Variants in CHRM3 observed in about 807,000 individuals in gnomAD.
CHRM3 encodes cholinergic receptor muscarinic 3.
In CHRM3, 11 loss-of-function variants were observed where a neutral mutation model predicts 41.8. The observed-to-expected ratio is 0.26, with a 90% confidence interval of 0.17 to 0.44. The LOEUF is 0.44. Among genes scored for constraint, CHRM3 ranks in the 20% least tolerant of loss-of-function variants. The pLI is 1.00. For missense variants in CHRM3, 571 were observed against 745.4 expected (o/e 0.77, Z 2.72); for synonymous variants, 297 against 301.4 (o/e 0.99, Z 0.15).
intron 5 of CHRM3, among the ~76,000 whole-genome samples, chr1:239,826,535 A>G (rs1363509302): frequency 6.6e-6 from 1 of 152,202 alleles, no homozygotes; most frequent in Admixed American, 6.5e-5. Flanking sequence ...TCAGGAGAGG[A>G]CTGTGGCAAA....
In CHRM3 at chr1:239,620,490, GAGAT is replaced by G. The variant is rs568974870; in HGVS notation, c.-312-11730_-312-11727del. 3.4e-3 allele frequency among the ~76,000 whole-genome samples: 511 copies of G among 152,222 alleles called. 2 individuals carry two copies. The highest frequency in any genetic ancestry group is 5.8e-3 in the Admixed American group (88 of 15,282). On this transcript the variant is annotated intron_variant, in intron 3 of 6. Transcript: ENST00000676153. ...TAGGTATGGGTAGGTAGATAGATAAGAGATAGAGATAGAGAGAAAGAGGGAGAGA... is the reference window on the plus strand; with the variant it reads ...TAGGTATGGGTAGGTAGATAGATAAGAGAGATAGAGAGAAAGAGGGAGAGA...
At chr1:239,753,636 C>T (rs914679092) in intron 5 of CHRM3, among the ~76,000 whole-genome samples, 1 of 152,256 alleles carries the variant, frequency 6.6e-6, no homozygotes, top group Non-Finnish European at 1.5e-5. Flanking sequence ...TACAATTCAA[C>T]ATGAGATTTG....
intron 5 of CHRM3, among the ~76,000 whole-genome samples, chr1:239,802,916 A>G (rs1056481113): frequency 2.0e-5 from 3 of 152,148 alleles, no homozygotes; most frequent in Non-Finnish European, 4.4e-5. Flanking sequence ...TTATTTCTAA[A>G]TCTTAATTTG....
chr1:239,616,158 A>G (rs769509729), intron 3 of CHRM3, among the ~76,000 whole-genome samples: 7 of 152,228 alleles, frequency 4.6e-5, no homozygotes, highest in Non-Finnish European at 7.3e-5. Context: ...AAGTTGAACT[A>G]TACGAAATTG....
intron 5 of CHRM3, among the ~76,000 whole-genome samples, chr1:239,708,936 C>G (rs1163710852): frequency 6.6e-6 from 1 of 151,742 alleles, no homozygotes; most frequent in Admixed American, 6.6e-5. Context: ...TAATTATCAG[C>G]TGCTGAATTG....
At chr1:239,419,594 A>G (rs1661775114) in intron 1 of CHRM3, among the ~76,000 whole-genome samples, 1 of 152,184 alleles carries the variant, frequency 6.6e-6, no homozygotes, top group Admixed American at 6.5e-5. Flanking sequence ...GGGATAATAG[A>G]TAAAAGAGGG....
At chr1:239,630,775 A>G (rs1237022473) in intron 3 of CHRM3, among the ~76,000 whole-genome samples, 3 of 152,052 alleles carry the variant, frequency 2.0e-5, no homozygotes. Flanking sequence ...TCAAGTTGTG[A>G]CCCATGGTCA....
At chr1:239,678,086 A>T (rs1658189993) in intron 4 of CHRM3, 100 bp from the exon 5 acceptor site, 1 of 152,256 alleles carries the variant, frequency 6.6e-6, no homozygotes, top group Non-Finnish European at 1.5e-5. Context: ...GAAATCTATC[A>T]TGTAATTAAT....
intron 3 of CHRM3, among the ~76,000 whole-genome samples, chr1:239,559,888 C>G (rs1660702746): frequency 6.6e-6 from 1 of 152,116 alleles, no homozygotes; most frequent in Non-Finnish European, 1.5e-5. Context: ...CAAAATTAAC[C>G]TTTAAGGTGA....
At chr1:239,873,185 C>T (rs1676742009) in intron 6 of CHRM3, among the ~76,000 whole-genome samples, 1 of 152,062 alleles carries the variant, frequency 6.6e-6, no homozygotes, top group Non-Finnish European at 1.5e-5. Context: ...GGTATTCAAA[C>T]AGACTGAGTT....
At chr1:239,420,157 C>A (rs565044588) in intron 1 of CHRM3, among the ~76,000 whole-genome samples, 1 of 152,208 alleles carries the variant, frequency 6.6e-6, no homozygotes, top group Non-Finnish European at 1.5e-5. Flanking sequence ...TCATTGAACC[C>A]CATCTGGTTT....
intron 5 of CHRM3, among the ~76,000 whole-genome samples, chr1:239,794,692 A>G (rs1415617035): frequency 6.6e-6 from 1 of 152,184 alleles, no homozygotes; most frequent in African/African-American, 2.4e-5. Flanking sequence ...TTTAATTACC[A>G]TCTTCTTAAC....
intron 6 of CHRM3, among the ~76,000 whole-genome samples, chr1:239,862,945 C>T (rs10802808): frequency 0.38 from 56,998 of 151,790 alleles, 10,747 homozygotes; most frequent in Admixed American, 0.45. Context: ...GATATACAGA[C>T]AATTTTCACT....
intron 3 of CHRM3, among the ~76,000 whole-genome samples, chr1:239,571,875 G>A (rs1249421863): frequency 6.6e-6 from 1 of 152,072 alleles, no homozygotes; most frequent in Admixed American, 6.6e-5. Flanking sequence ...TCCCCCTAGA[G>A]TTCAACCTCT....
At position 239,866,358 on chromosome 1, in the gene CHRM3, C is replaced by T. The variant is rs186846321; in HGVS notation, c.-20+38980C>T. Among the ~76,000 whole-genome samples, 98 of 151,938 alleles carry T rather than the reference C, an allele frequency of 6.4e-4. No individual in the cohort carries two copies. In the East Asian group the frequency reaches 0.018, roughly 29 times the overall value. On this transcript the variant is annotated intron_variant, in intron 6 of 6. Transcript: ENST00000676153. The stretch of plus-strand genomic sequence containing the variant: ...GAGCTTGCAGTGAGCCGAGATCCCC[C>T]CACTGCACTCCAGCCTGGGCGACAG...
chr1:239,529,018 A>C (rs192527346), intron 2 of CHRM3, among the ~76,000 whole-genome samples: 1 of 152,212 alleles, frequency 6.6e-6, no homozygotes, highest in East Asian at 1.9e-4. Context: ...AGCCATCTAT[A>C]CCTGTTAGAT....
intron 2 of CHRM3, among the ~76,000 whole-genome samples, 163 bp downstream of exon 2, chr1:239,492,970 A>G (rs1014683005): frequency 1.3e-5 from 2 of 152,198 alleles, no homozygotes; most frequent in Non-Finnish European, 2.9e-5. Flanking sequence ...TAAGAAATGT[A>G]ATAATCCTGA....
chr1:239,801,385 G>A (rs1352978235), intron 5 of CHRM3, among the ~76,000 whole-genome samples: 1 of 152,176 alleles, frequency 6.6e-6, no homozygotes, highest in Non-Finnish European at 1.5e-5. Flanking sequence ...TCTACAAGAT[G>A]GCACTGTTTT....
intron 3 of CHRM3, among the ~76,000 whole-genome samples, chr1:239,552,614 C>A (rs1659974868): frequency 7.2e-6 from 1 of 139,508 alleles, no homozygotes; most frequent in South Asian, 2.2e-4. Flanking sequence ...GGCTCATGCT[C>A]CACACCTGAC....
Sources: gnomAD v4.1 joint callset for allele counts (sites outside exome capture counted in the v4.1 genomes callset) on GRCh38, gnomAD v4.1.1 for gene constraint, MANE v1.5 for transcripts, NCBI Gene and HGNC (gene_info 2026-07-23, HGNC 2026-07-21) for gene names.